Variants in SLX9 observed in about 807,000 individuals in gnomAD.
SLX9 encodes SLX9 ribosome biogenesis factor.
In SLX9, 19 loss-of-function variants were observed where a neutral mutation model predicts 20.8. That is an observed-to-expected ratio of 0.91 (90% CI 0.64 to 1.34). SLX9 has a LOEUF of 1.34. SLX9 is among the 40% of genes most tolerant of loss of function. The pLI, the probability that SLX9 is intolerant of heterozygous loss-of-function variation, is 0.00. For synonymous variants in SLX9, 113 were observed against 137.1 expected (o/e 0.82, Z 1.23); for missense variants, 299 against 322.2 (o/e 0.93, Z 0.55).
chr21:44,948,550 G>A (rs1217490206), intron 2 of SLX9, among the ~76,000 whole-genome samples: 7 of 152,206 alleles, frequency 4.6e-5, no homozygotes, highest in Admixed American at 1.3e-4. Context: ...GACACAGGCA[G>A]GGTGGGGCAA....
At chr21:44,950,317 C>G (rs1463862642) in intron 2 of SLX9, among the ~76,000 whole-genome samples, 1 of 151,750 alleles carries the variant, frequency 6.6e-6, no homozygotes, top group South Asian at 2.1e-4. Flanking sequence ...GCAGAATGTA[C>G]TTGTTGCTTA....
intron 2 of SLX9, among the ~76,000 whole-genome samples, chr21:44,949,550 A>G (rs1483504142): frequency 2.6e-5 from 4 of 152,126 alleles, no homozygotes; most frequent in Admixed American, 1.3e-4. Context: ...CCATGGAGCC[A>G]GGCTCTGAAG....
chr21:44,946,432 T>C (rs2084643919), intron 2 of SLX9, among the ~76,000 whole-genome samples: 1 of 150,968 alleles, frequency 6.6e-6, no homozygotes, highest in Non-Finnish European at 1.5e-5. Context: ...GGCACGAGGA[T>C]GGGAATTATT....
chr21:44,957,472 A>G (rs1346064172), intron 2 of SLX9, among the ~76,000 whole-genome samples: 1 of 151,932 alleles, frequency 6.6e-6, no homozygotes, highest in Non-Finnish European at 1.5e-5. Flanking sequence ...CTTCATCTCC[A>G]CCATCCATCT....
At chr21:44,955,750 T>C (rs559844608) in intron 2 of SLX9, among the ~76,000 whole-genome samples, 4 of 152,366 alleles carry the variant, frequency 2.6e-5, no homozygotes, top group Admixed American at 6.5e-5. Context: ...TAAGGCAGCC[T>C]TACATCACGG....
chr21:44,949,870 A>G (rs1277552575), intron 2 of SLX9, among the ~76,000 whole-genome samples: 2 of 152,222 alleles, frequency 1.3e-5, no homozygotes, highest in African/African-American at 4.8e-5. Flanking sequence ...CCTGCGGTGG[A>G]GGGACCTGCG....
chr21:44,972,086 T>A lies in SLX9; in HGVS notation c.501-1111T>A, dbSNP rs116742412. Among the ~76,000 whole-genome samples the A allele has an allele frequency of 9.8e-3, 1,493 of 152,166 alleles. 35 individuals are homozygous for A. The highest frequency in any genetic ancestry group is 0.034 in the African/African-American group (1,401 of 41,522). On this transcript the variant is annotated intron_variant, in intron 4 of 5. Coordinates refer to ENST00000291634, the MANE Select transcript of SLX9 (RefSeq NM_058190.4). ...TGTCTGTCATTCATATTTTAAGAGA[T>A]CCATGAATAAAAGATGAAGTCTCCT...
intron 4 of SLX9, 111 bp from the exon 5 acceptor site, chr21:44,973,086 C>T: frequency 5.6e-6 from 7 of 1,239,764 alleles, no homozygotes; most frequent in Non-Finnish European, 7.0e-6. Flanking sequence ...GGTTTGGTCA[C>T]CTCTGGCCAC....
intron 2 of SLX9, among the ~76,000 whole-genome samples, chr21:44,950,857 G>T (rs1406283670): frequency 1.3e-5 from 2 of 152,116 alleles, no homozygotes; most frequent in Admixed American, 6.5e-5. Flanking sequence ...CGAAAGGGGG[G>T]TGTCGGGGGG....
chr21:44,972,027 C>T (rs1014103480), intron 4 of SLX9, among the ~76,000 whole-genome samples: 3 of 152,260 alleles, frequency 2.0e-5, no homozygotes, highest in East Asian at 3.9e-4. Flanking sequence ...TAAAAGAAAG[C>T]GGGTGCTGAG....
Position 44,958,630 on chromosome 21 carries a change from G to A in SLX9, c.284-1470G>A, listed in dbSNP as rs545723954. On this transcript the variant is annotated intron_variant, in intron 2 of 5. Transcript: ENST00000291634. ...GCCCATCCAGAGGCTAGAAGGGGGA[G>A]CAGGCGTGAACCTGTGCCGGAGCAC... Among the ~76,000 whole-genome samples, 3 of 152,360 alleles carry A rather than the reference G, an allele frequency of 2.0e-5. No individual in the cohort carries two copies. The East Asian group carries it at 5.8e-4, about 29-fold the overall frequency.
In SLX9 at chr21:44,973,396, C is replaced by T. The variant is rs560985937; in HGVS notation, c.569+131C>T. 4.3e-5 allele frequency: 25 copies of T among 582,478 alleles called. No homozygotes were observed. The South Asian group carries it at 4.7e-4, about 11-fold the overall frequency. The allele number at this position is 582,478 out of a possible 1,614,324, so 36.1% of individuals were successfully genotyped here. On this transcript the variant is annotated intron_variant, in intron 5 of 5. Coordinates refer to ENST00000291634, the MANE Select transcript of SLX9 (RefSeq NM_058190.4). ...TCTCCAGGGGTTCAGCTCCTGAGTGCCCTCACCCCGCCCACCCTCTCCAGG... is the reference window on the plus strand; with the variant it reads ...TCTCCAGGGGTTCAGCTCCTGAGTGTCCTCACCCCGCCCACCCTCTCCAGG...
In SLX9 at chr21:44,953,013, C is replaced by T. The variant is rs181756344; in HGVS notation, c.284-7087C>T. 2.3e-3 allele frequency among the ~76,000 whole-genome samples: 357 copies of T among 152,278 alleles called. 2 individuals are homozygous for T. Among genetic ancestry groups the T allele is most frequent in the African/African-American group, 8.2e-3 (341 of 41,544 alleles). On this transcript the variant is annotated intron_variant, in intron 2 of 5. Coordinates refer to ENST00000291634, the MANE Select transcript of SLX9 (RefSeq NM_058190.4). ...ATTCTGGGTGTGGCACTCATTCTGA[C>T]TTGCAGGTGCCATCCTGAGACTAGG...
At chr21:44,942,351 T>C (rs1028883501) in intron 1 of SLX9, among the ~76,000 whole-genome samples, 3 of 152,178 alleles carry the variant, frequency 2.0e-5, no homozygotes, top group African/African-American at 7.2e-5. Context: ...GTCTGATATT[T>C]TCCCATGTAC....
At chr21:44,960,579 G>A (rs2084934751) in intron 3 of SLX9, among the ~76,000 whole-genome samples, 1 of 152,212 alleles carries the variant, frequency 6.6e-6, no homozygotes, top group Non-Finnish European at 1.5e-5. Flanking sequence ...AGTTTTTATG[G>A]TTCAGAAGTG....
intron 3 of SLX9, among the ~76,000 whole-genome samples, chr21:44,963,293 G>T (rs547329961): frequency 6.6e-6 from 1 of 151,474 alleles, no homozygotes; most frequent in East Asian, 1.9e-4. Flanking sequence ...GTTTCACCGT[G>T]TTAGCAGGAT....
chr21:44,943,412 T>A (rs1015133290), intron 1 of SLX9, among the ~76,000 whole-genome samples: 4 of 152,190 alleles, frequency 2.6e-5, no homozygotes, highest in African/African-American at 9.7e-5. Flanking sequence ...GAGATACTGG[T>A]CCTGACTCCT....
At chr21:44,945,104 G>A (rs918670028) in intron 2 of SLX9, among the ~76,000 whole-genome samples, 1 of 152,198 alleles carries the variant, frequency 6.6e-6, no homozygotes, top group Non-Finnish European at 1.5e-5. Flanking sequence ...GTGATCACGG[G>A]TGCTCTGTGA....
intron 4 of SLX9, among the ~76,000 whole-genome samples, chr21:44,968,200 C>G (rs974592445): frequency 3.3e-5 from 5 of 151,932 alleles, no homozygotes; most frequent in Non-Finnish European, 4.4e-5. Flanking sequence ...CACAACCCCG[C>G]CACCCAGTGA....
Sources: allele counts gnomAD v4.1 joint callset (sites outside exome capture counted in the v4.1 genomes callset), GRCh38; gene constraint gnomAD v4.1.1; transcripts MANE v1.5; gene names NCBI Gene and HGNC (gene_info 2026-07-23, HGNC 2026-07-21).